VWA8: variants seen among roughly 807,000 people sequenced by gnomAD.
The protein encoded by VWA8 is von Willebrand factor A domain-containing protein 8.
VWA8 carries 221 observed loss-of-function variants against 241.5 expected under a neutral mutation model. The observed-to-expected ratio is 0.91, with a 90% CI of 0.82 to 1.02. VWA8 has a LOEUF of 1.02. Ranked by LOEUF, VWA8 falls within the 50% of genes least tolerant of loss-of-function variation. The probability of loss-of-function intolerance (pLI) is 0.00; values close to 1 mark genes in which losing one functional copy is unlikely to be tolerated. For synonymous variants in VWA8, 852 were observed against 827.1 expected (o/e 1.03, Z -0.52); for missense variants, 2,322 against 2,328.7 (o/e 1.00, Z 0.06).
intron 9 of VWA8, among the ~76,000 whole-genome samples, chr13:41,881,564 C>A (rs1374248142): frequency 3.3e-5 from 5 of 149,780 alleles, no homozygotes; most frequent in Non-Finnish European, 3.0e-5. Flanking sequence ...GGCCCGTTCT[C>A]AATGAGCTGT....
chr13:41,613,466 T>C (rs1344323215), intron 38 of VWA8, among the ~76,000 whole-genome samples: 2 of 152,164 alleles, frequency 1.3e-5, no homozygotes, highest in Non-Finnish European at 2.9e-5. Context: ...GAGGGTATCC[T>C]GAGTATGGGT....
chr13:41,811,172 T>A, intron 17 of VWA8, 53 bp downstream of exon 17: 1 of 1,440,478 alleles, frequency 6.9e-7, no homozygotes, highest in Non-Finnish European at 9.7e-7. Flanking sequence ...ACTTATCTTA[T>A]AGTTTTAGTG....
intron 41 of VWA8, among the ~76,000 whole-genome samples, chr13:41,589,492 C>G (rs543619487): frequency 1.3e-4 from 20 of 152,246 alleles, no homozygotes; most frequent in African/African-American, 4.8e-4. Flanking sequence ...TGTGGACAAT[C>G]CGTGTTGGAG....
Position 41,611,745 on chromosome 13 carries a change from C to T in VWA8, c.4721-13G>A, listed in dbSNP as rs376623087. On this transcript the variant is annotated splice_polypyrimidine_tract_variant and intron_variant, in intron 38 of 44. Transcript: ENST00000379310. ...GTGTCTCTTCCCCCTGGAAGGAAAACGTGGAAATTCAGATGATAAATCTGA... is the reference window on the plus strand; with the variant it reads ...GTGTCTCTTCCCCCTGGAAGGAAAATGTGGAAATTCAGATGATAAATCTGA... 46 of 1,613,230 alleles carry T rather than the reference C, an allele frequency of 2.9e-5. 1 individual carries two copies. The highest frequency in any genetic ancestry group is 2.2e-4 in the Admixed American group (13 of 59,934).
At chr13:41,790,731 T>G (rs1325838378) in intron 17 of VWA8, among the ~76,000 whole-genome samples, 1 of 151,980 alleles carries the variant, frequency 6.6e-6, no homozygotes, top group Non-Finnish European at 1.5e-5. Context: ...TGCAAATTAC[T>G]TGAGAATTTC....
At chr13:41,572,797 T>TAAAAA (rs869088660) in intron 43 of VWA8, among the ~76,000 whole-genome samples, 21 of 67,758 alleles carry the variant, frequency 3.1e-4, no homozygotes, top group South Asian at 9.0e-4. Flanking sequence ...CAATAAATAC[T>TAAAAA]AAAAAAAAAA....
intron 12 of VWA8, among the ~76,000 whole-genome samples, chr13:41,840,854 T>G (rs1162347173): frequency 6.6e-6 from 1 of 151,990 alleles, no homozygotes; most frequent in Non-Finnish European, 1.5e-5. Flanking sequence ...GAGAAAAATT[T>G]GTTTCATGGG....
chr13:41,942,887 G>C (rs540170538), intron 2 of VWA8, among the ~76,000 whole-genome samples: 3 of 152,304 alleles, frequency 2.0e-5, no homozygotes, highest in African/African-American at 4.8e-5. Context: ...CACCTTCACT[G>C]AAGTGGCCTC....
At chr13:41,705,485 T>C (rs896690549) in intron 26 of VWA8, among the ~76,000 whole-genome samples, 2 of 152,326 alleles carry the variant, frequency 1.3e-5, no homozygotes, top group Non-Finnish European at 2.9e-5. Context: ...CAAAGGAGAA[T>C]TGGGGCTCCA....
At chr13:41,740,331 G>C (rs1020036951) in intron 21 of VWA8, among the ~76,000 whole-genome samples, 9 of 152,072 alleles carry the variant, frequency 5.9e-5, no homozygotes, top group African/African-American at 2.2e-4. Context: ...CTATGTCATA[G>C]TGATATAGAT....
Position 41,949,858 on chromosome 13 carries a change from T to C in VWA8, c.241+78A>G, listed in dbSNP as rs532979489. The C allele has an allele frequency of 2.0e-5, 17 of 855,186 alleles. No homozygotes were observed. The East Asian group carries it at 3.8e-4, about 19-fold the overall frequency. The allele number at this position is 855,186 out of a possible 1,614,324, so 53.0% of individuals were successfully genotyped here. A position where few individuals can be genotyped will look rare whatever the true frequency, so the allele number is the denominator to read the frequency against. On this transcript the variant is annotated intron_variant, in intron 2 of 44. Coordinates refer to ENST00000379310, the MANE Select transcript of VWA8 (RefSeq NM_015058.2). ...ATCATTAGGTTTATACTATTCTCTCTAGCTTTAAATAACTTTGAAAATTCC... is the reference window on the plus strand; with the variant it reads ...ATCATTAGGTTTATACTATTCTCTCCAGCTTTAAATAACTTTGAAAATTCC...
intron 2 of VWA8, among the ~76,000 whole-genome samples, chr13:41,927,583 T>C (rs903020658): frequency 1.3e-5 from 2 of 151,210 alleles, no homozygotes; most frequent in African/African-American, 4.9e-5. Context: ...AGCCTCATCA[T>C]ACCTGCAAAA....
intron 17 of VWA8, among the ~76,000 whole-genome samples, chr13:41,804,548 TTAA>T (rs1215762974): frequency 6.6e-6 from 1 of 151,476 alleles, no homozygotes; most frequent in Non-Finnish European, 1.5e-5. Context: ...TAAAAAAAAA[TTAA>T]TGAGCAGTAA....
chr13:41,703,021 C>T (rs1464223100), intron 27 of VWA8, among the ~76,000 whole-genome samples: 1 of 152,106 alleles, frequency 6.6e-6, no homozygotes, highest in African/African-American at 2.4e-5. Context: ...AATCAAAATG[C>T]ACAAAGTTTT....
chr13:41,935,173 G>T (rs556331549), intron 2 of VWA8, among the ~76,000 whole-genome samples: 24 of 152,230 alleles, frequency 1.6e-4, no homozygotes, highest in African/African-American at 4.3e-4. Flanking sequence ...ATACCTCAGG[G>T]TAGTGTGGCT....
chr13:41,713,236 G>A (rs898332413), intron 26 of VWA8, among the ~76,000 whole-genome samples: 1 of 152,112 alleles, frequency 6.6e-6, no homozygotes, highest in Non-Finnish European at 1.5e-5. Flanking sequence ...TCCAGTGTCC[G>A]GAGAGTCAAT....
At chr13:41,719,493 G>GTAATTTGTAAGTAATAT in intron 26 of VWA8, 98 bp downstream of exon 26, 1 of 1,581,996 alleles carries the variant, frequency 6.3e-7, no homozygotes, top group Non-Finnish European at 8.6e-7. Flanking sequence ...GCTTACTCAT[G>GTAATTTGTAAGTAATAT]GAAAGTAATT....
Position 41,831,744 on chromosome 13 carries a change from T to C in VWA8, c.1587-1102A>G, listed in dbSNP as rs1220673982. On this transcript the variant is annotated intron_variant, in intron 13 of 44. Transcript: ENST00000379310. ...AAGCTATTCTCCTGCCTTAGCCTCC[T>C]GAGTAGCTGGGATTACAGGTGCATG... Among the ~76,000 whole-genome samples the C allele has an allele frequency of 4.0e-5, 6 of 150,046 alleles. No individual in the cohort carries two copies. The East Asian group carries it at 1.2e-3, about 30-fold the overall frequency.
chr13:41,960,596 C>G (rs1451209566), intron 1 of VWA8, among the ~76,000 whole-genome samples: 2 of 152,248 alleles, frequency 1.3e-5, no homozygotes, highest in African/African-American at 4.8e-5. Context: ...GGAGAAATCA[C>G]TCTTCTAGGT....
Sources: allele counts gnomAD v4.1 joint callset (sites outside exome capture counted in the v4.1 genomes callset), GRCh38; gene constraint gnomAD v4.1.1; transcripts MANE v1.5; gene names NCBI Gene and HGNC (gene_info 2026-07-23, HGNC 2026-07-21).